MTSS1: variants seen among roughly 807,000 people sequenced by gnomAD.
MTSS1 encodes the protein MTSS I-BAR domain containing 1, also known as protein MTSS 1.
Under a neutral mutation model 79.0 loss-of-function variants are expected in MTSS1, and 18 were observed. The ratio of observed to expected loss-of-function variants is 0.23; its 90% CI spans 0.16 to 0.34. The LOEUF (loss-of-function observed/expected upper bound fraction) is 0.34. Ranked by LOEUF, MTSS1 falls within the 10% of genes least tolerant of loss-of-function variation. The pLI is 1.00. For missense variants in MTSS1, 815 were observed against 986.2 expected (o/e 0.83, Z 2.33); for synonymous variants, 341 against 368.6 (o/e 0.93, Z 0.86).
intron 1 of MTSS1, among the ~76,000 whole-genome samples, chr8:124,705,526 C>T (rs2135495450): frequency 6.6e-6 from 1 of 152,090 alleles, no homozygotes; most frequent in East Asian, 1.9e-4. Flanking sequence ...GACTAAACAC[C>T]TGGGGATTAT....
At chr8:124,607,802 G>T (rs1031618540) in intron 3 of MTSS1, among the ~76,000 whole-genome samples, 4 of 152,218 alleles carry the variant, frequency 2.6e-5, no homozygotes, top group Middle Eastern at 3.4e-3. Flanking sequence ...ACAGTCCTTT[G>T]CTTTCTGTTG....
rs1313244921 is a variant in MTSS1 at position 124,714,293 on chromosome 8, A to G, written c.73-10102T>C. ...AAACACCACTGAAAGGGCAGCTGGT[A>G]GAACAGGCATTTAACACTTCCCTAC... On this transcript the variant is annotated intron_variant, in intron 1 of 13. Transcript: ENST00000518547. 2.0e-5 allele frequency among the ~76,000 whole-genome samples: 3 copies of G among 152,222 alleles called. No individual in the cohort carries two copies. In the East Asian group the frequency reaches 5.8e-4, roughly 29 times the overall value.
In MTSS1 at chr8:124,578,649, G is replaced by T. The variant is rs373673440; in HGVS notation, c.460+6438C>A. On this transcript the variant is annotated intron_variant, in intron 6 of 13. Coordinates refer to ENST00000518547, the MANE Select transcript of MTSS1 (RefSeq NM_014751.6). The stretch of plus-strand genomic sequence containing the variant: ...GTCTCTACTAAAAATAGAAAAATTT[G>T]CCGGGTGTGGTGGCAGGCACTTGTA... Among the ~76,000 whole-genome samples, 81 of 152,018 alleles carry T rather than the reference G, an allele frequency of 5.3e-4. No homozygotes were observed. The East Asian group carries it at 7.0e-3, about 13-fold the overall frequency.
chr8:124,725,186 C>G (rs1833517699), intron 1 of MTSS1, among the ~76,000 whole-genome samples: 2 of 152,166 alleles, frequency 1.3e-5, no homozygotes, highest in Non-Finnish European at 2.9e-5. Context: ...AGGATTTCTT[C>G]CACACCTTAC....
chr8:124,706,509 T>C (rs1340976037), intron 1 of MTSS1, among the ~76,000 whole-genome samples: 2 of 152,266 alleles, frequency 1.3e-5, no homozygotes, highest in Admixed American at 6.5e-5. Flanking sequence ...TCTGCCTTCA[T>C]GCATTGGAGA....
chr8:124,568,941 A>T (rs1391458933), intron 6 of MTSS1: 3 of 1,034,606 alleles, frequency 2.9e-6, no homozygotes, highest in Non-Finnish European at 3.7e-6. Flanking sequence ...GTTTCCAAAA[A>T]CGGGCACGGG....
intron 6 of MTSS1, 127 bp downstream of exon 6, chr8:124,584,960 T>C: frequency 1.3e-6 from 1 of 749,502 alleles, no homozygotes; most frequent in Non-Finnish European, 2.3e-6. Context: ...ATAGGTCCTA[T>C]TTGCTCCCAC....
intron 3 of MTSS1, among the ~76,000 whole-genome samples, chr8:124,627,419 G>T (rs1197508755): frequency 6.6e-6 from 1 of 152,204 alleles, no homozygotes; most frequent in Non-Finnish European, 1.5e-5. Context: ...TATAAAGGAG[G>T]AGACCAAGGC....
rs772974553 is a variant in MTSS1, at chr8:124,556,206, C to T, written c.1404+26G>A. The T allele has an allele frequency of 1.2e-5, 20 of 1,614,100 alleles. No individual in the cohort carries two copies. In the South Asian group the frequency reaches 2.2e-4, roughly 18 times the overall value. Reference sequence around the variant, plus strand: ...CCCAGCCAGGCTGAGGTGGCCCCAACCAGCTACTGAGAACAAGAGCATCAC... The same window carrying T: ...CCCAGCCAGGCTGAGGTGGCCCCAATCAGCTACTGAGAACAAGAGCATCAC... On this transcript the variant is annotated intron_variant, in intron 12 of 13. Coordinates refer to ENST00000518547, the MANE Select transcript of MTSS1 (RefSeq NM_014751.6).
At chr8:124,592,493 T>C (rs1056475960) in intron 3 of MTSS1, among the ~76,000 whole-genome samples, 3 of 152,168 alleles carry the variant, frequency 2.0e-5, no homozygotes, top group Non-Finnish European at 4.4e-5. Flanking sequence ...TAGAAGAACA[T>C]TCCCTCTCTT....
intron 5 of MTSS1, among the ~76,000 whole-genome samples, chr8:124,588,026 CTTAT>C (rs1831176271): frequency 6.6e-6 from 1 of 152,196 alleles, no homozygotes; most frequent in African/African-American, 2.4e-5. Flanking sequence ...CCAAGACCAA[CTTAT>C]TTATTTCTGT....
chr8:124,626,616 T>C (rs933489242), intron 3 of MTSS1, among the ~76,000 whole-genome samples: 3 of 151,980 alleles, frequency 2.0e-5, no homozygotes, highest in African/African-American at 7.2e-5. Context: ...TCTAGTAAGG[T>C]TCCATTCAAC....
chr8:124,555,851 G>A lies in MTSS1; in HGVS notation c.1458C>T (p.Gly486=). 1.9e-6 allele frequency: 3 copies of A among 1,612,858 alleles called. No individual in the cohort carries two copies. The highest frequency in any genetic ancestry group is 1.1e-5 in the South Asian group (1 of 91,052). Residue 486 remains glycine, a synonymous_variant, in exon 13 of 14, where the codon GGC becomes GGT. Transcript: ENST00000518547. ...TGCTCCTCTGGGTGTCCAGCTGCAG[G>A]CCCCGAGACAGGGCCAGGGCCAGCT... ...CEELALALSR[G]LQLDTQRSSR... is the part of the protein sequence containing the mutation.
chr8:124,560,765 A>G (rs1411557710), intron 10 of MTSS1, among the ~76,000 whole-genome samples: 1 of 152,248 alleles, frequency 6.6e-6, no homozygotes, highest in Non-Finnish European at 1.5e-5. Context: ...CTCAGATGGA[A>G]TAAATGGCTC....
At chr8:124,567,753 C>A (rs1446331246) in intron 7 of MTSS1, 1 of 1,523,308 alleles carries the variant, frequency 6.6e-7, no homozygotes, top group Non-Finnish European at 8.8e-7. Context: ...CTAGAACGAT[C>A]CATGGAAAAG....
At chr8:124,681,206 A>T (rs1170997870) in intron 3 of MTSS1, among the ~76,000 whole-genome samples, 5 of 117,724 alleles carry the variant, frequency 4.2e-5, no homozygotes, top group East Asian at 2.1e-4. Context: ...TGTGACATTT[A>T]AAAAAAAAAA....
chr8:124,574,641 A>G (rs908953243), intron 6 of MTSS1, among the ~76,000 whole-genome samples: 1 of 152,238 alleles, frequency 6.6e-6, no homozygotes, highest in Non-Finnish European at 1.5e-5. Context: ...CTCTTCAGAC[A>G]CAAGCTGCAC....
chr8:124,674,121 A>C (rs1265914816), intron 3 of MTSS1, among the ~76,000 whole-genome samples: 2 of 152,096 alleles, frequency 1.3e-5, no homozygotes, highest in African/African-American at 4.8e-5. Flanking sequence ...GCAGGTACAG[A>C]ATATATTATT....
rs537167725 is a variant in MTSS1 at position 124,575,037 on chromosome 8, G to A, written c.461-6501C>T. On this transcript the variant is annotated intron_variant, in intron 6 of 13. Transcript: ENST00000518547. ...GCATCTGACAATTGCTTGTATCCCA[G>A]AGTCAAATGAAACATGGGATATAAA... 5.9e-5 allele frequency among the ~76,000 whole-genome samples: 9 copies of A among 152,050 alleles called. No individual in the cohort carries two copies. The South Asian group carries it at 1.5e-3, about 25-fold the overall frequency.
Sources: gnomAD v4.1 joint callset for allele counts (sites outside exome capture counted in the v4.1 genomes callset) on GRCh38, gnomAD v4.1.1 for gene constraint, MANE v1.5 for transcripts, NCBI Gene and HGNC (gene_info 2026-07-23, HGNC 2026-07-21) for gene names.